Variants in SOX5 observed in about 807,000 individuals in gnomAD.
SOX5 encodes SRY-box transcription factor 5, also known as transcription factor SOX-5.
In SOX5, 9 loss-of-function variants were observed where a neutral mutation model predicts 92.0. That is an observed-to-expected ratio of 0.10 (90% CI 0.06 to 0.17). SOX5 has a LOEUF of 0.17. Among genes scored for constraint, SOX5 ranks in the 10% least tolerant of loss-of-function variants. The pLI is 1.00. For missense variants in SOX5, 642 were observed against 944.5 expected, an observed-to-expected ratio of 0.68 and a Z score of 4.20; for synonymous variants, 344 against 336.3, an observed-to-expected ratio of 1.02 and a Z score of -0.25.
At chr12:23,654,213 A>G (rs1257576957) in intron 7 of SOX5, among the ~76,000 whole-genome samples, 1 of 152,126 alleles carries the variant, frequency 6.6e-6, no homozygotes, top group African/African-American at 2.4e-5. Flanking sequence ...CAGGACCCAG[A>G]GAAGGTAGTT....
intron 6 of SOX5, among the ~76,000 whole-genome samples, chr12:23,669,154 T>A (rs1238114377): frequency 6.6e-6 from 1 of 152,066 alleles, no homozygotes; most frequent in African/African-American, 2.4e-5. Context: ...CTGAATCTGG[T>A]GGGGCAAACA....
chr12:24,444,270 A>ATGTGTGTGTGTGTGTGTGTGTGTG (rs56206607), intron 1 of SOX5, among the ~76,000 whole-genome samples: 1 of 149,154 alleles, frequency 6.7e-6, no homozygotes, highest in East Asian at 2.0e-4. Flanking sequence ...AGGCCACTGA[A>ATGTGTGTGTGTGTGTGTGTGTGTG]TGTGTGTGTG....
chr12:23,960,444 C>T (rs1946761787), intron 4 of SOX5, among the ~76,000 whole-genome samples: 1 of 143,572 alleles, frequency 7.0e-6, no homozygotes, highest in Admixed American at 6.9e-5. Context: ...ATGATATATG[C>T]TTACACATGT....
At chr12:23,720,547 T>C (rs575659435) in intron 6 of SOX5, among the ~76,000 whole-genome samples, 30 of 152,244 alleles carry the variant, frequency 2.0e-4, no homozygotes, top group Non-Finnish European at 3.7e-4. Flanking sequence ...CCCAATGATA[T>C]GTTGTTAAAC....
intron 8 of SOX5, among the ~76,000 whole-genome samples, chr12:23,618,162 ATTATAC>A (rs1272289705): frequency 6.6e-6 from 1 of 152,178 alleles, no homozygotes; most frequent in Non-Finnish European, 1.5e-5. Flanking sequence ...TGTATCAGTG[ATTATAC>A]TTATATCTTT....
rs150951877 is a variant in SOX5, at chr12:24,260,334, T to C, written c.-77+16882A>G. On this transcript the variant is annotated intron_variant, in intron 3 of 4. Coordinates refer to the SOX5 transcript ENST00000446891. ...GTTTCCACTACCTACAAAGGGAACT[T>C]AGGTAAATTACTTGACCTTCCTCTA... Among the ~76,000 whole-genome samples the C allele has an allele frequency of 3.8e-3, 573 of 152,292 alleles. 1 individual carries two copies. The highest frequency in any genetic ancestry group is 0.014 in the Middle Eastern group (4 of 294).
chr12:23,838,026 C>G (rs1236116867), intron 3 of SOX5, among the ~76,000 whole-genome samples: 1 of 117,942 alleles, frequency 8.5e-6, no homozygotes, highest in African/African-American at 3.3e-5. Flanking sequence ...AATATATATA[C>G]ATTTATATAT....
chr12:23,717,140 T>C (rs541052219), intron 6 of SOX5, among the ~76,000 whole-genome samples: 2 of 152,330 alleles, frequency 1.3e-5, no homozygotes, highest in South Asian at 2.1e-4. Context: ...ATTCCGACAA[T>C]TGGAGTCATG....
upstream of SOX5, among the ~76,000 whole-genome samples, chr12:23,952,849 TAA>T (rs1169068316): frequency 6.6e-6 from 1 of 152,124 alleles, no homozygotes; most frequent in Non-Finnish European, 1.5e-5. Context: ...AAACAGAATT[TAA>T]AGTCATTCAA....
chr12:24,148,710 AAAAAAAG>A (rs1951351257), intron 4 of SOX5, among the ~76,000 whole-genome samples: 3 of 116,662 alleles, frequency 2.6e-5, no homozygotes, highest in Admixed American at 8.4e-5. Context: ...AAAAAAAAAA[AAAAAAAG>A]AAGAAAGAAA....
intron 3 of SOX5, among the ~76,000 whole-genome samples, chr12:23,771,048 T>C (rs2141534718): frequency 6.6e-6 from 1 of 152,120 alleles, no homozygotes; most frequent in Non-Finnish European, 1.5e-5. Context: ...AAAAATCCAT[T>C]TTTGTGAATC....
rs893920148 is a variant in SOX5 at position 23,827,101 on chromosome 12, C to G, written c.481+18882G>C. Among the ~76,000 whole-genome samples, 5 of 152,118 alleles carry G rather than the reference C, an allele frequency of 3.3e-5. No homozygotes were observed. The East Asian group carries it at 9.6e-4, about 29-fold the overall frequency. On this transcript the variant is annotated intron_variant, in intron 3 of 14. Transcript: ENST00000451604. ...AACTTAAATAATAATTAAATCAAGA[C>G]TCAGTATTTCAGTGGAGCTTACATA...
intron 3 of SOX5, among the ~76,000 whole-genome samples, chr12:24,247,523 A>G (rs963658703): frequency 6.6e-6 from 1 of 152,144 alleles, no homozygotes; most frequent in African/African-American, 2.4e-5. Context: ...CCCAAGTGGT[A>G]AAGAACAGAG....
At chr12:23,685,532 C>T (rs2087380907) in intron 6 of SOX5, among the ~76,000 whole-genome samples, 1 of 151,990 alleles carries the variant, frequency 6.6e-6, no homozygotes, top group African/African-American at 2.4e-5. Context: ...TCCAAAGGTT[C>T]TAAATGCCCA....
At chr12:23,965,106 G>A (rs1947394026) in intron 4 of SOX5, among the ~76,000 whole-genome samples, 1 of 152,178 alleles carries the variant, frequency 6.6e-6, no homozygotes, top group South Asian at 2.1e-4. Flanking sequence ...TGTCAGCCTT[G>A]ACATTCTCTA....
chr12:23,595,963 T>C (rs1049511368), intron 9 of SOX5, among the ~76,000 whole-genome samples: 1 of 152,186 alleles, frequency 6.6e-6, no homozygotes, highest in African/African-American at 2.4e-5. Flanking sequence ...AATAAGACAA[T>C]GCTGTCTCAT....
intron 1 of SOX5, among the ~76,000 whole-genome samples, chr12:23,935,830 T>G (rs367816737): frequency 2.0e-5 from 3 of 151,178 alleles, no homozygotes; most frequent in Non-Finnish European, 4.5e-5. Flanking sequence ...AATAAAGAAA[T>G]ATCTGCCACT....
rs1320094496 is a variant in SOX5, at chr12:24,496,586, C to CA, written c.-251+65742dup. On this transcript the variant is annotated intron_variant, in intron 1 of 4. Coordinates refer to the SOX5 transcript ENST00000446891. ...GCAGAAGAGAAACAAAACAACTATA[C>CA]AAAAAAGCCTAGAGGGATTTTTCTA... is the stretch of plus-strand genomic sequence containing the variant. Among the ~76,000 whole-genome samples the CA allele has an allele frequency of 3.9e-5, 6 of 152,092 alleles. No homozygotes were observed. The South Asian group carries it at 1.0e-3, about 26-fold the overall frequency.
In SOX5 at chr12:23,543,344, G is replaced by A; in HGVS notation, c.1638C>T (p.Ser546=). The stretch of plus-strand genomic sequence containing the variant: ...GGGGTTCATTGCTACCACGCCCTCG[G>A]GATTCCCTATAAATTCTTGACTCTG... The part of the protein sequence containing the change: ...GVSESRIYRE[S]RGRGSNEPHI... The change falls in exon 13 of 15, where the codon TCC becomes TCT. Residue 546 remains serine, a synonymous_variant. Transcript: ENST00000451604. 1.9e-6 allele frequency: 3 copies of A among 1,613,728 alleles called. No individual in the cohort carries two copies. Among genetic ancestry groups the A allele is most frequent in the South Asian group, 2.2e-5 (2 of 91,064 alleles).
Sources: gnomAD v4.1 joint callset for allele counts (sites outside exome capture counted in the v4.1 genomes callset) on GRCh38, gnomAD v4.1.1 for gene constraint, MANE v1.5 for transcripts, NCBI Gene and HGNC (gene_info 2026-07-23, HGNC 2026-07-21) for gene names.